The following RGS6 variants were observed in gnomAD, a reference collection of about 807,000 sequenced individuals.
RGS6 encodes regulator of G protein signaling 6, also known as regulator of G-protein signaling 6.
A neutral mutation model predicts 78.5 loss-of-function variants in RGS6; 30 were observed. The ratio of observed to expected loss-of-function variants is 0.38; its 90% confidence interval spans 0.29 to 0.52. The LOEUF is 0.52. RGS6 is among the 20% of genes least tolerant of loss of function. The pLI, the probability that RGS6 is intolerant of heterozygous loss-of-function variation, is 0.85. For synonymous variants in RGS6, 206 were observed against 206.0 expected, an observed-to-expected ratio of 1.00 and a Z score of 0.00; for missense variants, 495 against 609.7, an observed-to-expected ratio of 0.81 and a Z score of 1.98.
At chr14:72,417,740 G>A (rs2093926214) in intron 3 of RGS6, among the ~76,000 whole-genome samples, 1 of 152,202 alleles carries the variant, frequency 6.6e-6, no homozygotes, top group Non-Finnish European at 1.5e-5. Context: ...TTGTTCTGGG[G>A]CTTAAATGAG....
chr14:72,282,631 G>A (rs1219093979), intron 2 of RGS6, among the ~76,000 whole-genome samples: 1 of 152,064 alleles, frequency 6.6e-6, no homozygotes, highest in African/African-American at 2.4e-5. Context: ...ATATTAAAAA[G>A]GACACATATT....
At chr14:72,162,019 T>A (rs1034969871) in intron 2 of RGS6, among the ~76,000 whole-genome samples, 3 of 152,204 alleles carry the variant, frequency 2.0e-5, no homozygotes, top group African/African-American at 4.8e-5. Context: ...AAGGGCAAGA[T>A]TAATAGTAGA....
chr14:71,873,327 C>T, the RGS6 span, among the ~76,000 whole-genome samples: 1 of 152,118 alleles, frequency 6.6e-6, no homozygotes, highest in Admixed American at 6.5e-5. Flanking sequence ...TTTTAATGAT[C>T]ACCATTCTAA....
intron 2 of RGS6, among the ~76,000 whole-genome samples, chr14:72,013,506 TGAA>T (rs780648561): frequency 6.6e-5 from 10 of 152,080 alleles, no homozygotes; most frequent in Non-Finnish European, 1.3e-4. Flanking sequence ...TATTGACAAA[TGAA>T]GGAAGAATTA....
chr14:72,394,814 C>A (rs562368989), intron 3 of RGS6, among the ~76,000 whole-genome samples: 1 of 152,018 alleles, frequency 6.6e-6, no homozygotes, highest in East Asian at 1.9e-4. Context: ...TAAAGACAGG[C>A]GTAAGAAATC....
chr14:72,569,958 T>C (rs1471278866), downstream of RGS6, among the ~76,000 whole-genome samples: 3 of 152,170 alleles, frequency 2.0e-5, no homozygotes, highest in African/African-American at 7.2e-5. Flanking sequence ...AAAAGTCACC[T>C]TTTTAAACCC....
intron 3 of RGS6, among the ~76,000 whole-genome samples, chr14:72,423,769 G>A (rs541693078): frequency 3.9e-4 from 59 of 152,200 alleles, no homozygotes; most frequent in African/African-American, 1.2e-3. Flanking sequence ...AAACCTCAGC[G>A]ACATGCAATT....
At chr14:72,587,100 T>G in the RGS6 span, among the ~76,000 whole-genome samples, 1 of 152,174 alleles carries the variant, frequency 6.6e-6, no homozygotes, top group Non-Finnish European at 1.5e-5. Context: ...TCACCTATAC[T>G]TTGGGTCAGC....
At chr14:72,472,827 C>G in intron 8 of RGS6, 45 bp from the exon 9 acceptor site, 1 of 1,425,176 alleles carries the variant, frequency 7.0e-7, no homozygotes, top group Non-Finnish European at 9.8e-7. Flanking sequence ...GAAGGGAAAA[C>G]AGAATACAGA....
intron 4 of RGS6, among the ~76,000 whole-genome samples, chr14:72,455,627 G>T (rs1022645772): frequency 3.9e-5 from 6 of 152,142 alleles, no homozygotes; most frequent in Admixed American, 1.3e-4. Flanking sequence ...TTGATTAGTG[G>T]CTACTCTCAC....
At chr14:71,993,848 C>T (rs562776157) in intron 2 of RGS6, among the ~76,000 whole-genome samples, 6 of 152,006 alleles carry the variant, frequency 3.9e-5, no homozygotes, top group South Asian at 2.1e-4. Flanking sequence ...TAGAAGAGCA[C>T]GAGGGGGTAG....
At chr14:72,241,888 G>A (rs149252784) in intron 2 of RGS6, among the ~76,000 whole-genome samples, 7 of 152,254 alleles carry the variant, frequency 4.6e-5, no homozygotes, top group South Asian at 2.1e-4. Flanking sequence ...GTCTTACTGC[G>A]GCCATGCCAT....
At chr14:71,889,582 C>T in the RGS6 span, among the ~76,000 whole-genome samples, 2 of 152,108 alleles carry the variant, frequency 1.3e-5, no homozygotes, top group Non-Finnish European at 2.9e-5. Flanking sequence ...CCAACTGCTT[C>T]GTCAGAGAGG....
At chr14:72,228,529 T>C (rs2048718148) in intron 2 of RGS6, among the ~76,000 whole-genome samples, 1 of 152,184 alleles carries the variant, frequency 6.6e-6, no homozygotes, top group African/African-American at 2.4e-5. Flanking sequence ...ATAATTCTGG[T>C]GGTTCAGTAG....
intron 2 of RGS6, among the ~76,000 whole-genome samples, chr14:72,213,139 T>A (rs1254466145): frequency 6.6e-6 from 1 of 152,222 alleles, no homozygotes; most frequent in East Asian, 1.9e-4. Flanking sequence ...GTTAGGAGGT[T>A]TCTCCTTGGG....
rs545942412 is a variant in RGS6 at position 72,118,511 on chromosome 14, A to G, written c.84+153636A>G. Among the ~76,000 whole-genome samples, 320 of 152,316 alleles carry G rather than the reference A, an allele frequency of 2.1e-3. 1 individual carries two copies. Among genetic ancestry groups the G allele is most frequent in the Non-Finnish European group, 3.2e-3 (219 of 68,034 alleles). ...ATGATTTACTTTCATATTGGATACC[A>G]TTTGAATATACCCAGCTGTCTGCGT... On this transcript the variant is annotated intron_variant, in intron 2 of 17. Coordinates refer to ENST00000553525, the MANE Select transcript of RGS6 (RefSeq NM_001204424.2).
chr14:72,131,481 G>T (rs1010522920), intron 2 of RGS6, among the ~76,000 whole-genome samples: 1 of 152,200 alleles, frequency 6.6e-6, no homozygotes, highest in Non-Finnish European at 1.5e-5. Context: ...CCTATGATAT[G>T]AAATTCTGTA....
At chr14:72,229,213 AG>A (rs1472003846) in intron 2 of RGS6, among the ~76,000 whole-genome samples, 8 of 152,184 alleles carry the variant, frequency 5.3e-5, no homozygotes, top group African/African-American at 1.9e-4. Context: ...TTAAAATATC[AG>A]TATACTCTCA....
chr14:72,600,738 T>C, the RGS6 span, among the ~76,000 whole-genome samples: 2 of 152,066 alleles, frequency 1.3e-5, no homozygotes, highest in African/African-American at 4.8e-5. Flanking sequence ...CACTTCCTCA[T>C]TCCCTGGGCC....
Sources: gnomAD v4.1 joint callset for allele counts (sites outside exome capture counted in the v4.1 genomes callset) on GRCh38, gnomAD v4.1.1 for gene constraint, MANE v1.5 for transcripts, NCBI Gene and HGNC (gene_info 2026-07-23, HGNC 2026-07-21) for gene names.